The following ZMYM1 variants were observed in gnomAD, a reference collection of about 807,000 sequenced individuals.
The protein encoded by ZMYM1 is zinc finger MYM-type protein 1.
In ZMYM1, 39 loss-of-function variants were observed where a neutral mutation model predicts 60.0. That is an observed-to-expected ratio of 0.65 (90% CI 0.50 to 0.85). ZMYM1 has a LOEUF of 0.85. Among genes scored for constraint, ZMYM1 ranks in the 40% least tolerant of loss-of-function variants. ZMYM1 has a pLI of 0.00. For synonymous variants in ZMYM1, 413 were observed against 454.0 expected (o/e 0.91, Z 1.15); for missense variants, 1,171 against 1,309.5 (o/e 0.89, Z 1.63).
At chr1:35,094,146 A>G (rs939368134) in intron 2 of ZMYM1, 63 bp downstream of exon 2, 20 of 1,394,706 alleles carry the variant, frequency 1.4e-5, no homozygotes, top group Non-Finnish European at 1.8e-5. Flanking sequence ...TTTTAGTTAC[A>G]AAGGTGCTGA....
intron 6 of ZMYM1, among the ~76,000 whole-genome samples, chr1:35,110,003 C>G (rs755476370): frequency 1.3e-4 from 20 of 152,302 alleles, no homozygotes; most frequent in Admixed American, 6.5e-4. Context: ...CTGCTTTGGC[C>G]TCCCAAAGTG....
upstream of ZMYM1, among the ~76,000 whole-genome samples, chr1:35,078,462 T>C (rs1237273412): frequency 6.7e-6 from 1 of 150,312 alleles, no homozygotes; most frequent in Non-Finnish European, 1.5e-5. Flanking sequence ...CTATACTTTT[T>C]TAGGTGTTGA....
upstream of ZMYM1, among the ~76,000 whole-genome samples, chr1:35,075,384 TGCAATG>T (rs1642149351): frequency 2.6e-5 from 4 of 151,918 alleles, no homozygotes; most frequent in Admixed American, 2.0e-4. Flanking sequence ...CAGGATGGAG[TGCAATG>T]GCACAATCTC....
At chr1:35,074,502 G>C (rs914261954), upstream of ZMYM1, among the ~76,000 whole-genome samples, 3 of 151,938 alleles carry the variant, frequency 2.0e-5, no homozygotes, top group Non-Finnish European at 2.9e-5. Context: ...TCCACCTCCT[G>C]GGTTCAAGCG....
Position 35,088,343 on chromosome 1 carries a change from G to T in ZMYM1, c.-74-5571G>T, listed in dbSNP as rs1276864069. On this transcript the variant is annotated intron_variant, in intron 1 of 9. Coordinates refer to ENST00000359858, the MANE Select transcript of ZMYM1 (RefSeq NM_024772.5). ...TCAGGCAGGAGAATCGCTTGAACCC[G>T]GGAGGTGGAGGTTGCAGTGAGCCGT... 2.0e-5 allele frequency among the ~76,000 whole-genome samples: 3 copies of T among 151,110 alleles called. No individual in the cohort carries two copies. In the South Asian group the frequency reaches 6.3e-4, roughly 32 times the overall value.
chr1:35,114,089 A>G lies in ZMYM1; in HGVS notation c.2259A>G (p.Ser753=). ...IHCYAHFLDL[S]IIRFCKEVKE... ...GTTATGCACACTTTTTGGATTTATCAATAATTAGGTTTTGTAAAGAAGTAA... is the reference window on the plus strand; with the variant it reads ...GTTATGCACACTTTTTGGATTTATCGATAATTAGGTTTTGTAAAGAAGTAA... Residue 753 remains serine, a synonymous_variant, in exon 10 of 10, where the codon TCA becomes TCG. Transcript: ENST00000359858. 1 of 1,612,340 alleles carries G rather than the reference A, an allele frequency of 6.2e-7. No homozygotes were observed.
chr1:35,115,462 G>T lies in ZMYM1; in HGVS notation c.*203G>T. The T allele has an allele frequency of 2.4e-6, 1 of 422,932 alleles. No homozygotes were observed. Among genetic ancestry groups the T allele is most frequent in the Non-Finnish European group, 4.0e-6 (1 of 246,986 alleles). 26.2% of individuals were successfully genotyped at this position (422,932 alleles called of 1,614,324 possible). A position where few individuals can be genotyped will look rare whatever the true frequency, so the allele number is the denominator to read the frequency against. On this transcript the variant is annotated 3_prime_UTR_variant, in exon 10 of 10. Coordinates refer to ENST00000359858, the MANE Select transcript of ZMYM1 (RefSeq NM_024772.5). Reference sequence around the variant, plus strand: ...GTATTTTTCCTAAGTGGTATTGTACGGTGTATACTGTTCTTCAGCTTGTCT... The same window carrying T: ...GTATTTTTCCTAAGTGGTATTGTACTGTGTATACTGTTCTTCAGCTTGTCT...
chr1:35,112,560 T>A (rs1294986451), intron 9 of ZMYM1, among the ~76,000 whole-genome samples: 8 of 76,110 alleles, frequency 1.1e-4, no homozygotes, highest in Middle Eastern at 5.3e-3. Context: ...TAATATATTG[T>A]ATATAATATA....
chr1:35,115,437 G>C lies in ZMYM1; in HGVS notation c.*178G>C. On this transcript the variant is annotated 3_prime_UTR_variant, in exon 10 of 10. Coordinates refer to ENST00000359858, the MANE Select transcript of ZMYM1 (RefSeq NM_024772.5). ...CTTTTCCTTAAATATCCCTCTAGAG[G>C]TATTTTTCCTAAGTGGTATTGTACG... 1 of 660,072 alleles carries C rather than the reference G, an allele frequency of 1.5e-6. No individual in the cohort carries two copies. Among genetic ancestry groups the C allele is most frequent in the South Asian group, 2.3e-5 (1 of 43,240 alleles). The allele number at this position is 660,072 out of a possible 1,614,324, so 40.9% of individuals were successfully genotyped here. A position where few individuals can be genotyped will look rare whatever the true frequency, so the allele number is the denominator to read the frequency against.
intron 6 of ZMYM1, among the ~76,000 whole-genome samples, chr1:35,107,095 C>T (rs1026428208): frequency 2.0e-5 from 3 of 150,528 alleles, no homozygotes; most frequent in Non-Finnish European, 4.4e-5. Context: ...TCGTGATCCG[C>T]CCGCCTCGGC....
At chr1:35,098,224 T>C (rs867501183) in intron 4 of ZMYM1, among the ~76,000 whole-genome samples, 3 of 152,156 alleles carry the variant, frequency 2.0e-5, no homozygotes, top group Non-Finnish European at 4.4e-5. Context: ...TGGAATAATA[T>C]TATATTTCTT....
intron 4 of ZMYM1, among the ~76,000 whole-genome samples, chr1:35,101,646 C>G (rs1008430124): frequency 3.3e-5 from 5 of 151,638 alleles, no homozygotes; most frequent in Non-Finnish European, 7.4e-5. Flanking sequence ...CGCCCACCCC[C>G]CAAATTAATT....
chr1:35,110,566 T>A, intron 7 of ZMYM1, 119 bp downstream of exon 7: 4 of 876,970 alleles, frequency 4.6e-6, no homozygotes, highest in Non-Finnish European at 6.1e-6. Context: ...GTCAAAACAA[T>A]CTAAACTTGT....
chr1:35,094,834 G>C (rs1233640741), intron 2 of ZMYM1, among the ~76,000 whole-genome samples: 1 of 152,212 alleles, frequency 6.6e-6, no homozygotes, highest in East Asian at 1.9e-4. Flanking sequence ...GGGTAACGAA[G>C]CGAGACCCTG....
At chr1:35,101,512 C>T (rs1403759160) in intron 4 of ZMYM1, among the ~76,000 whole-genome samples, 2 of 150,114 alleles carry the variant, frequency 1.3e-5, no homozygotes, top group African/African-American at 4.9e-5. Flanking sequence ...CCATGCGTCG[C>T]TGATGTAGTT....
chr1:35,112,427 C>T (rs981879327), intron 9 of ZMYM1, among the ~76,000 whole-genome samples: 1 of 149,884 alleles, frequency 6.7e-6, no homozygotes, highest in Admixed American at 6.7e-5. Flanking sequence ...ATCCGCCCAC[C>T]TTGGCCTCCC....
At chr1:35,107,235 T>C (rs932388719) in intron 6 of ZMYM1, among the ~76,000 whole-genome samples, 1 of 138,450 alleles carries the variant, frequency 7.2e-6, no homozygotes, top group Non-Finnish European at 1.6e-5. Flanking sequence ...CTGAGGCGGG[T>C]GGATCACGAG....
chr1:35,110,228 A>T (rs1644040624), intron 6 of ZMYM1, 66 bp from the exon 7 acceptor site: 2 of 1,190,520 alleles, frequency 1.7e-6, no homozygotes, highest in Admixed American at 6.1e-5. Context: ...CAGTGGTAAT[A>T]GGTTCTTCTT....
chr1:35,113,685 A>G lies in ZMYM1; in HGVS notation c.1855A>G (p.Ser619Gly). The G allele has an allele frequency of 6.2e-7, 1 of 1,613,670 alleles. No individual in the cohort carries two copies. The highest frequency in any genetic ancestry group is 8.5e-7 in the Non-Finnish European group (1 of 1,179,830). The part of the protein sequence containing the change: ...VDFYNSTQIQ[S>G]DIIEIIKTEM... ...CTTCTATAACAGTACACAAATTCAAAGTGATATTATCGAAATAATAAAGAC... is the reference window on the plus strand; with the variant it reads ...CTTCTATAACAGTACACAAATTCAAGGTGATATTATCGAAATAATAAAGAC... The change falls in exon 10 of 10, where the codon AGT becomes GGT. Residue 619 changes from serine to glycine, a missense_variant. Transcript: ENST00000359858.
Sources: allele counts gnomAD v4.1 joint callset (sites outside exome capture counted in the v4.1 genomes callset), GRCh38; gene constraint gnomAD v4.1.1; transcripts MANE v1.5; gene names NCBI Gene and HGNC (gene_info 2026-07-23, HGNC 2026-07-21).